Variants in CSMD1 observed in about 807,000 individuals in gnomAD.
CSMD1 encodes the protein CUB and Sushi multiple domains 1, also known as CUB and sushi domain-containing protein 1.
CSMD1 carries 213 observed loss-of-function variants against 417.5 expected under a neutral mutation model. That is an observed-to-expected ratio of 0.51 (90% CI 0.46 to 0.57). The LOEUF is 0.57. CSMD1 is among the 20% of genes least tolerant of loss of function. The pLI, the probability that CSMD1 is intolerant of heterozygous loss-of-function variation, is 0.00. For synonymous variants in CSMD1, 2,862 were observed against 1,736.8 expected, an observed-to-expected ratio of 1.65 and a Z score of -16.11; for missense variants, 6,923 against 4,529.7, an observed-to-expected ratio of 1.53 and a Z score of -15.17.
At position 3,355,621 on chromosome 8, in the gene CSMD1, G is replaced by A. The variant is rs908273342; in HGVS notation, c.3304+3531C>T. ...CTGCACGATGTGGGGCTACAGCACT[G>A]TATGTGATGATATGAGATCAGGAAG... On this transcript the variant is annotated intron_variant, in intron 21 of 69. Coordinates refer to ENST00000635120, the MANE Select transcript of CSMD1 (RefSeq NM_033225.6). Among the ~76,000 whole-genome samples the A allele has an allele frequency of 3.9e-5, 6 of 152,120 alleles. No homozygotes were observed. In the East Asian group the frequency reaches 9.7e-4, roughly 25 times the overall value.
intron 1 of CSMD1, among the ~76,000 whole-genome samples, chr8:4,731,649 C>G (rs1258844529): frequency 6.6e-6 from 1 of 152,142 alleles, no homozygotes; most frequent in Non-Finnish European, 1.5e-5. Context: ...TGGGAATGCA[C>G]ACTTTGCATG....
intron 3 of CSMD1, among the ~76,000 whole-genome samples, chr8:4,305,454 G>A (rs925646856): frequency 3.9e-5 from 6 of 152,188 alleles, no homozygotes; most frequent in Admixed American, 6.6e-5. Context: ...AAGCCACTGA[G>A]CAGCTGGAAT....
intron 2 of CSMD1, among the ~76,000 whole-genome samples, chr8:4,539,979 G>A (rs956447671): frequency 6.6e-6 from 1 of 152,140 alleles, no homozygotes; most frequent in African/African-American, 2.4e-5. Flanking sequence ...GCCTGCAGAT[G>A]CCCATGGCTA....
intron 3 of CSMD1, among the ~76,000 whole-genome samples, chr8:4,327,839 T>C (rs1799646388): frequency 6.6e-6 from 1 of 152,238 alleles, no homozygotes; most frequent in South Asian, 2.1e-4. Context: ...GGTACATTTT[T>C]GTTTGAAAGA....
rs11782760 is a variant in CSMD1 at position 4,308,782 on chromosome 8, A to G, written c.415+111171T>C. Among the ~76,000 whole-genome samples the G allele has an allele frequency of 2.6e-5, 4 of 151,650 alleles. No homozygotes were observed. The East Asian group carries it at 5.8e-4, about 22-fold the overall frequency. On this transcript the variant is annotated intron_variant, in intron 3 of 69. Coordinates refer to ENST00000635120, the MANE Select transcript of CSMD1 (RefSeq NM_033225.6). ...GCGTGATGACTAAAGATTATTTACA[A>G]AACTAATTCACAGATGAGTTATTAT...
intron 1 of CSMD1, among the ~76,000 whole-genome samples, chr8:4,978,255 G>C (rs1327694180): frequency 6.6e-6 from 1 of 152,172 alleles, no homozygotes; most frequent in African/African-American, 2.4e-5. Context: ...GGTGTTCAAA[G>C]GGGGGACAGG....
chr8:4,575,019 G>A (rs965735209), intron 2 of CSMD1, among the ~76,000 whole-genome samples: 1 of 152,144 alleles, frequency 6.6e-6, no homozygotes, highest in African/African-American at 2.4e-5. Flanking sequence ...AATAAAAGGA[G>A]AAAGGGCCCC....
chr8:3,515,278 A>G (rs1797238901), intron 10 of CSMD1: 1 of 152,074 alleles, frequency 6.6e-6, no homozygotes, highest in Admixed American at 6.6e-5. Flanking sequence ...CTTTTTCTGG[A>G]GTATGTGGTG....
intron 3 of CSMD1, among the ~76,000 whole-genome samples, chr8:4,263,417 A>T (rs1804022764): frequency 6.6e-6 from 1 of 152,190 alleles, no homozygotes; most frequent in South Asian, 2.1e-4. Flanking sequence ...CATTCAGGTA[A>T]ACAAAAACAT....
intron 1 of CSMD1, among the ~76,000 whole-genome samples, chr8:4,709,433 C>A (rs756734133): frequency 3.9e-5 from 6 of 152,100 alleles, no homozygotes; most frequent in Non-Finnish European, 7.4e-5. Context: ...GCTGCCCTGG[C>A]CTCAACACAG....
intron 5 of CSMD1, among the ~76,000 whole-genome samples, chr8:3,776,974 A>G (rs1299468167): frequency 6.6e-6 from 1 of 151,910 alleles, no homozygotes; most frequent in Non-Finnish European, 1.5e-5. Context: ...TGGGCCTCCC[A>G]TAGTGCTGGG....
intron 3 of CSMD1, among the ~76,000 whole-genome samples, chr8:4,182,562 G>C (rs372722355): frequency 6.6e-6 from 1 of 152,132 alleles, no homozygotes; most frequent in African/African-American, 2.4e-5. Context: ...ACATAATGAT[G>C]TATGATCACA....
At chr8:3,543,506 G>A (rs2116722784) in intron 10 of CSMD1, among the ~76,000 whole-genome samples, 1 of 152,248 alleles carries the variant, frequency 6.6e-6, no homozygotes, top group East Asian at 1.9e-4. Context: ...AATTAACTGT[G>A]GAAATGGGAG....
chr8:4,355,980 T>A (rs952670349), intron 3 of CSMD1, among the ~76,000 whole-genome samples: 1 of 152,212 alleles, frequency 6.6e-6, no homozygotes, highest in Non-Finnish European at 1.5e-5. Context: ...TTCTTATTTT[T>A]TCATGATATT....
chr8:3,129,986 A>T (rs1256367578), intron 41 of CSMD1, among the ~76,000 whole-genome samples: 2 of 152,266 alleles, frequency 1.3e-5, no homozygotes, highest in South Asian at 2.1e-4. Flanking sequence ...GTCCCAAAAA[A>T]AAAAGAAAAG....
intron 38 of CSMD1, 107 bp downstream of exon 38, chr8:3,162,052 A>C (rs1467219164): frequency 1.4e-6 from 1 of 716,516 alleles, no homozygotes; most frequent in Non-Finnish European, 2.5e-6. Context: ...TATGATTCAC[A>C]AACTGAGTGA....
At chr8:3,295,650 G>C (rs566777008) in intron 25 of CSMD1, among the ~76,000 whole-genome samples, 1 of 152,242 alleles carries the variant, frequency 6.6e-6, no homozygotes, top group African/African-American at 2.4e-5. Context: ...TTGCTAACTC[G>C]CTCTCCCTTG....
At chr8:4,320,756 A>G (rs1025103969) in intron 3 of CSMD1, among the ~76,000 whole-genome samples, 1 of 152,100 alleles carries the variant, frequency 6.6e-6, no homozygotes, top group African/African-American at 2.4e-5. Context: ...CCAGTCTATC[A>G]TTGACGGGCA....
At chr8:4,217,658 G>GAA (rs35530505) in intron 3 of CSMD1, among the ~76,000 whole-genome samples, 160 of 145,576 alleles carry the variant, frequency 1.1e-3, no homozygotes, top group Admixed American at 1.6e-3. Context: ...GACCTCATCA[G>GAA]AAAAAAAAAA....
Sources: gnomAD v4.1 joint callset for allele counts (sites outside exome capture counted in the v4.1 genomes callset) on GRCh38, gnomAD v4.1.1 for gene constraint, MANE v1.5 for transcripts, NCBI Gene and HGNC (gene_info 2026-07-23, HGNC 2026-07-21) for gene names.